The following OPCML variants were observed in gnomAD, a reference collection of about 807,000 sequenced individuals.
The protein encoded by OPCML is opioid-binding protein/cell adhesion molecule.
A neutral mutation model predicts 37.8 loss-of-function variants in OPCML; 13 were observed. The ratio of observed to expected loss-of-function variants is 0.34; its 90% CI spans 0.22 to 0.55. The LOEUF is 0.55. Among genes scored for constraint, OPCML ranks in the 20% least tolerant of loss-of-function variants. The pLI, the probability that OPCML is intolerant of heterozygous loss-of-function variation, is 0.91. For missense variants in OPCML, 341 were observed against 435.6 expected (o/e 0.78, Z 1.93); for synonymous variants, 176 against 168.8 (o/e 1.04, Z -0.33).
chr11:132,510,626 T>C (rs1485253429), intron 4 of OPCML, among the ~76,000 whole-genome samples: 1 of 152,220 alleles, frequency 6.6e-6, no homozygotes, highest in African/African-American at 2.4e-5. Flanking sequence ...CACTTTTGCT[T>C]CTTCCTCATT....
chr11:133,141,566 C>T (rs980173871), intron 1 of OPCML, among the ~76,000 whole-genome samples: 1 of 152,212 alleles, frequency 6.6e-6, no homozygotes, highest in African/African-American at 2.4e-5. Flanking sequence ...TCATAACTGT[C>T]GCTTTCACAC....
In OPCML at chr11:133,471,686, G is replaced by T. The variant is rs995852577; in HGVS notation, c.61+60578C>A. On this transcript the variant is annotated intron_variant, in intron 1 of 7. Transcript: ENST00000524381. The stretch of plus-strand genomic sequence containing the variant: ...ATAGAATACTTACAGCATATTTTAC[G>T]GACTACTTGAGGTAAAACAGAAGGA... Among the ~76,000 whole-genome samples, 3 of 152,152 alleles carry T rather than the reference G, an allele frequency of 2.0e-5. No individual in the cohort carries two copies. In the South Asian group the frequency reaches 6.2e-4, roughly 32 times the overall value.
chr11:132,941,941 G>C (rs1443643446), intron 2 of OPCML, among the ~76,000 whole-genome samples: 2 of 152,102 alleles, frequency 1.3e-5, no homozygotes, highest in East Asian at 1.9e-4. Flanking sequence ...CTGTCCTAGG[G>C]GAAGCCAGGC....
chr11:132,823,491 C>T (rs1269214046), intron 2 of OPCML, among the ~76,000 whole-genome samples: 2 of 152,002 alleles, frequency 1.3e-5, no homozygotes, highest in Non-Finnish European at 2.9e-5. Flanking sequence ...CTGCTGTGGC[C>T]ATCGCCTGTC....
At chr11:132,682,680 G>A (rs1204407633) in intron 2 of OPCML, among the ~76,000 whole-genome samples, 1 of 152,218 alleles carries the variant, frequency 6.6e-6, no homozygotes, top group East Asian at 1.9e-4. Context: ...AGAGAATGGA[G>A]CAACCAGGGA....
chr11:133,351,400 G>C (rs1278254120), intron 1 of OPCML, among the ~76,000 whole-genome samples: 1 of 152,084 alleles, frequency 6.6e-6, no homozygotes, highest in Non-Finnish European at 1.5e-5. Flanking sequence ...TCTTCCCACT[G>C]TATTTCTCTC....
At chr11:132,850,516 G>GGAGTGT (rs796790289) in intron 2 of OPCML, among the ~76,000 whole-genome samples, 29 of 148,122 alleles carry the variant, frequency 2.0e-4, no homozygotes, top group African/African-American at 6.5e-4. Context: ...CTGTGGAAAG[G>GGAGTGT]GTGTGTGTGT....
intron 1 of OPCML, among the ~76,000 whole-genome samples, chr11:133,197,577 T>C (rs550243184): frequency 6.6e-6 from 1 of 152,270 alleles, no homozygotes; most frequent in South Asian, 2.1e-4. Flanking sequence ...CTCAATTAGA[T>C]GGGAATGACT....
chr11:133,018,359 C>T (rs1591916500), intron 1 of OPCML, among the ~76,000 whole-genome samples: 2 of 152,058 alleles, frequency 1.3e-5, no homozygotes, highest in Non-Finnish European at 2.9e-5. Flanking sequence ...ATTCTTTCTC[C>T]TCTTTTGTCC....
intron 1 of OPCML, among the ~76,000 whole-genome samples, chr11:133,392,701 G>T (rs1395288825): frequency 6.6e-6 from 1 of 152,188 alleles, no homozygotes; most frequent in African/African-American, 2.4e-5. Flanking sequence ...AAGATTAAGG[G>T]GAGAAAACCA....
intron 1 of OPCML, among the ~76,000 whole-genome samples, chr11:133,336,159 G>T (rs1407872752): frequency 2.0e-5 from 3 of 152,076 alleles, no homozygotes; most frequent in Non-Finnish European, 4.4e-5. Flanking sequence ...AAAAGTGAAG[G>T]CCGCATGATA....
At position 133,174,772 on chromosome 11, in the gene OPCML, T is replaced by C. The variant is rs1444482696; in HGVS notation, c.62-231762A>G. On this transcript the variant is annotated intron_variant, in intron 1 of 7. Coordinates refer to ENST00000524381, the MANE Select transcript of OPCML (RefSeq NM_001012393.5). This position sits in a 1 kb window ranked among gnomAD's most constrained non-coding sequence, Gnocchi z 4.6. Reference sequence around the variant, plus strand: ...TCTCTGACTGTTTTAGTCATTCAACTCTATATTATAATTCATTTATGATGA... The same window carrying C: ...TCTCTGACTGTTTTAGTCATTCAACCCTATATTATAATTCATTTATGATGA... 6.6e-6 allele frequency among the ~76,000 whole-genome samples: 1 copy of C among 152,108 alleles called. No homozygotes were observed. Among genetic ancestry groups the C allele is most frequent in the Admixed American group, 6.5e-5 (1 of 15,272 alleles).
At chr11:132,843,845 G>A (rs1008146521) in intron 2 of OPCML, among the ~76,000 whole-genome samples, 3 of 152,202 alleles carry the variant, frequency 2.0e-5, no homozygotes, top group Admixed American at 2.0e-4. Flanking sequence ...TACATACATG[G>A]AGAGATTAAC....
chr11:132,846,650 T>C (rs1326161346), intron 2 of OPCML, among the ~76,000 whole-genome samples: 1 of 152,238 alleles, frequency 6.6e-6, no homozygotes, highest in Non-Finnish European at 1.5e-5. Context: ...CATCTTCTCC[T>C]GCCCTGATAA....
chr11:133,360,443 A>ACC (rs1944388179), intron 1 of OPCML: 1 of 152,220 alleles, frequency 6.6e-6, no homozygotes, highest in Non-Finnish European at 1.5e-5. Flanking sequence ...TCTCCTCTGG[A>ACC]CTGAAGCCAG....
chr11:133,117,164 T>A (rs1949349855), intron 1 of OPCML, among the ~76,000 whole-genome samples: 1 of 152,184 alleles, frequency 6.6e-6, no homozygotes, highest in Non-Finnish European at 1.5e-5. Context: ...TCCCTTCAAG[T>A]TGGCTCCTGT....
At chr11:132,481,280 T>A (rs937447092) in intron 4 of OPCML, among the ~76,000 whole-genome samples, 2 of 152,012 alleles carry the variant, frequency 1.3e-5, no homozygotes, top group African/African-American at 4.8e-5. Context: ...TAGTCTCTGA[T>A]AAAACAGACT....
At chr11:133,018,899 G>A (rs73033004) in intron 1 of OPCML, among the ~76,000 whole-genome samples, 4,474 of 152,294 alleles carry the variant, frequency 0.029, 98 homozygotes, top group South Asian at 0.047. Context: ...TCTGTGTGCC[G>A]CTCCCATGAG....
At chr11:132,992,107 G>A (rs535179735) in intron 1 of OPCML, among the ~76,000 whole-genome samples, 34 of 152,214 alleles carry the variant, frequency 2.2e-4, no homozygotes, top group Non-Finnish European at 4.7e-4. Context: ...GTTCAGAAAT[G>A]CTAAGTTATC....
Sources: allele counts gnomAD v4.1 joint callset (sites outside exome capture counted in the v4.1 genomes callset), GRCh38; gene constraint gnomAD v4.1.1; non-coding constraint Gnocchi (gnomAD v3.1); transcripts MANE v1.5; gene names NCBI Gene and HGNC (gene_info 2026-07-23, HGNC 2026-07-21).